Variants in RALYL observed in about 807,000 individuals in gnomAD.
The protein encoded by RALYL is RNA-binding Raly-like protein.
RALYL carries 29 observed loss-of-function variants against 35.1 expected under a neutral mutation model. That is an observed-to-expected ratio of 0.83 (90% CI 0.61 to 1.13). The LOEUF (loss-of-function observed/expected upper bound fraction) is 1.13, where lower values mean the gene tolerates loss of function less well. Ranked by LOEUF, RALYL falls within the 50% of genes most tolerant of loss-of-function variation. RALYL has a pLI of 0.00. For missense variants in RALYL, 359 were observed against 360.4 expected (o/e 1.00, Z 0.03); for synonymous variants, 120 against 127.6 (o/e 0.94, Z 0.40).
intron 2 of RALYL, among the ~76,000 whole-genome samples, chr8:84,537,395 G>A (rs912342674): frequency 5.9e-5 from 9 of 151,316 alleles, no homozygotes; most frequent in African/African-American, 9.7e-5. Flanking sequence ...ACCTGAGCCC[G>A]GGAAATTGAG....
chr8:84,544,623 G>A (rs960261569), intron 2 of RALYL, among the ~76,000 whole-genome samples: 11 of 151,982 alleles, frequency 7.2e-5, no homozygotes, highest in African/African-American at 2.7e-4. Flanking sequence ...AACCTGATGA[G>A]TATGCTCTTT....
At chr8:84,353,843 A>T (rs1218337693) in intron 1 of RALYL, among the ~76,000 whole-genome samples, 2 of 150,090 alleles carry the variant, frequency 1.3e-5, no homozygotes, top group Non-Finnish European at 3.0e-5. Context: ...TCTTTATTTG[A>T]TAGTGTCATA....
intron 6 of RALYL, among the ~76,000 whole-genome samples, chr8:84,868,794 T>A (rs1586863860): frequency 6.6e-6 from 1 of 152,146 alleles, no homozygotes; most frequent in African/African-American, 2.4e-5. Context: ...TAATTCCCTG[T>A]TCTAGGAAAT....
intron 1 of RALYL, among the ~76,000 whole-genome samples, chr8:84,233,007 G>T (rs1466462949): frequency 2.0e-5 from 3 of 151,620 alleles, no homozygotes; most frequent in Admixed American, 1.3e-4. Context: ...TAAAGACAGG[G>T]TCTTGCTTTG....
At position 84,488,382 on chromosome 8, in the gene RALYL, A is replaced by G. The variant is rs568504479; in HGVS notation, c.-23-40917A>G. Among the ~76,000 whole-genome samples the G allele has an allele frequency of 4.6e-5, 7 of 152,180 alleles. No homozygotes were observed. In the East Asian group the frequency reaches 1.4e-3, roughly 29 times the overall value. On this transcript the variant is annotated intron_variant, in intron 1 of 8. Coordinates refer to ENST00000521268, the MANE Select transcript of RALYL (RefSeq NM_173848.7). ...TGTAGGCTTTCTTAGTCTAAAGAAC[A>G]CACAGATGGATAGTTAGAGAGCCCA...
At chr8:84,603,030 A>C (rs1473037074) in intron 2 of RALYL, among the ~76,000 whole-genome samples, 1 of 152,146 alleles carries the variant, frequency 6.6e-6, no homozygotes, top group Non-Finnish European at 1.5e-5. Context: ...AGAAAAATAA[A>C]GAATATAAAT....
chr8:84,849,390 C>A (rs887616202), intron 4 of RALYL, among the ~76,000 whole-genome samples: 2 of 152,172 alleles, frequency 1.3e-5, no homozygotes, highest in Admixed American at 1.3e-4. Context: ...TTAAACCTTT[C>A]CATTTATCTT....
chr8:84,274,700 C>T (rs1312721903), intron 1 of RALYL, among the ~76,000 whole-genome samples: 1 of 152,110 alleles, frequency 6.6e-6, no homozygotes, highest in East Asian at 1.9e-4. Flanking sequence ...TCATGAAAAT[C>T]TAATTCAAAT....
In RALYL at chr8:84,621,512, G is replaced by T. The variant is rs537430145; in HGVS notation, c.256+91935G>T. Among the ~76,000 whole-genome samples, 49 of 152,278 alleles carry T rather than the reference G, an allele frequency of 3.2e-4. No homozygotes were observed. The South Asian group carries it at 9.9e-3, about 31-fold the overall frequency. ...CCCACTGTCTGGCACTCCCTAGTGA[G>T]ATGAACCCGGTACCTCAGATGGAAA... On this transcript the variant is annotated intron_variant, in intron 2 of 8. Transcript: ENST00000521268.
intron 1 of RALYL, among the ~76,000 whole-genome samples, chr8:84,378,038 C>G (rs968635329): frequency 1.3e-5 from 2 of 151,916 alleles, no homozygotes; most frequent in Admixed American, 6.6e-5. Flanking sequence ...TTGCCTCTTT[C>G]TAGAACACAT....
intron 2 of RALYL, among the ~76,000 whole-genome samples, chr8:84,562,704 G>A (rs2061542679): frequency 1.3e-5 from 2 of 151,842 alleles, no homozygotes; most frequent in Non-Finnish European, 2.9e-5. Flanking sequence ...GTGGTCTGCA[G>A]ACCAGAAACA....
chr8:84,668,753 G>A (rs1342484057), intron 2 of RALYL, among the ~76,000 whole-genome samples: 1 of 152,156 alleles, frequency 6.6e-6, no homozygotes. Context: ...GAGCTTGGAT[G>A]ATAATGGAGT....
rs551537976 is a variant in RALYL, at chr8:84,393,486, C to T, written c.-23-135813C>T. On this transcript the variant is annotated intron_variant, in intron 1 of 8. Transcript: ENST00000521268. Reference sequence around the variant, plus strand: ...TCACAGAAGTACATCCCTTCAATGACGCTATGTACTGTTGCTTAGAAGGAA... The same window carrying T: ...TCACAGAAGTACATCCCTTCAATGATGCTATGTACTGTTGCTTAGAAGGAA... 9.2e-5 allele frequency among the ~76,000 whole-genome samples: 14 copies of T among 152,066 alleles called. No individual in the cohort carries two copies. The South Asian group carries it at 1.0e-3, about 11-fold the overall frequency.
Position 84,873,508 on chromosome 8 carries a change from A to G in RALYL, c.685+111A>G, listed in dbSNP as rs879438572. On this transcript the variant is annotated intron_variant, in intron 7 of 8. Transcript: ENST00000521268. ...CTGGCTGAGTTTAACAGTGTTTAAT[A>G]CAGATGTGCCAACAATGTCTTTAAG... The G allele has an allele frequency of 7.3e-6, 4 of 544,586 alleles. No individual in the cohort carries two copies. The Admixed American group carries it at 1.4e-4, about 19-fold the overall frequency. The allele number at this position is 544,586 out of a possible 1,614,324, so 33.7% of individuals were successfully genotyped here.
chr8:84,629,146 C>T (rs537208473), intron 2 of RALYL, among the ~76,000 whole-genome samples: 1 of 151,978 alleles, frequency 6.6e-6, no homozygotes, highest in Non-Finnish European at 1.5e-5. Context: ...CTCTGTTGTG[C>T]ATATCACCTT....
intron 2 of RALYL, among the ~76,000 whole-genome samples, chr8:84,729,279 T>C (rs1845642382): frequency 6.6e-6 from 1 of 152,152 alleles, no homozygotes; most frequent in South Asian, 2.1e-4. Context: ...TCTGTTTGTC[T>C]GTTCTTGGTG....
chr8:84,479,109 A>AAAAT (rs1564005244), intron 1 of RALYL, among the ~76,000 whole-genome samples: 1 of 144,934 alleles, frequency 6.9e-6, no homozygotes, highest in Non-Finnish European at 1.5e-5. Context: ...AAAAAAAAAA[A>AAAAT]AAAAAAAAAA....
At chr8:84,191,828 T>G (rs1013587668) in intron 1 of RALYL, among the ~76,000 whole-genome samples, 1 of 152,238 alleles carries the variant, frequency 6.6e-6, no homozygotes, top group Non-Finnish European at 1.5e-5. Flanking sequence ...TAGCCTGCCT[T>G]TCTTAGTTGA....
At chr8:84,665,355 C>T (rs1342804036) in intron 2 of RALYL, among the ~76,000 whole-genome samples, 3 of 151,936 alleles carry the variant, frequency 2.0e-5, no homozygotes, top group Non-Finnish European at 4.4e-5. Context: ...GGGAAGAGTC[C>T]CTCCTTTTCA....
Sources: gnomAD v4.1 joint callset for allele counts (sites outside exome capture counted in the v4.1 genomes callset) on GRCh38, gnomAD v4.1.1 for gene constraint, MANE v1.5 for transcripts, NCBI Gene and HGNC (gene_info 2026-07-23, HGNC 2026-07-21) for gene names.